Variants in EML4 observed in about 807,000 individuals in gnomAD.
EML4 encodes echinoderm microtubule-associated protein-like 4.
In EML4, 72 loss-of-function variants were observed where a neutral mutation model predicts 129.0. That is an observed-to-expected ratio of 0.56 (90% CI 0.46 to 0.68). The LOEUF (loss-of-function observed/expected upper bound fraction) is 0.68, where lower values mean the gene tolerates loss of function less well. Among genes scored for constraint, EML4 ranks in the 30% least tolerant of loss-of-function variants. The pLI, the probability that EML4 is intolerant of heterozygous loss-of-function variation, is 0.00. For missense variants in EML4, 1,363 were observed against 1,190.6 expected, an observed-to-expected ratio of 1.14 and a Z score of -2.13; for synonymous variants, 532 against 405.0, an observed-to-expected ratio of 1.31 and a Z score of -3.77.
intron 22 of EML4, 26 bp from the exon 23 acceptor site, chr2:42,329,708 C>T (rs776386244): frequency 1.8e-5 from 29 of 1,583,534 alleles, no homozygotes; most frequent in Non-Finnish European, 2.3e-5. Context: ...TTTAATTTTC[C>T]TGTCTGTCTG....
At chr2:42,210,560 A>C (rs755449335) in intron 1 of EML4, among the ~76,000 whole-genome samples, 1 of 152,168 alleles carries the variant, frequency 6.6e-6, no homozygotes, top group Non-Finnish European at 1.5e-5. Flanking sequence ...ACACTTAAGA[A>C]GTGGGTGTGG....
At chr2:42,300,850 AC>A (rs1668243538) in intron 13 of EML4, among the ~76,000 whole-genome samples, 1 of 152,016 alleles carries the variant, frequency 6.6e-6, no homozygotes, top group Admixed American at 6.6e-5. Context: ...CTGCTCCTGT[AC>A]CTCTTGTGTC....
intron 17 of EML4, among the ~76,000 whole-genome samples, chr2:42,311,264 G>A (rs931531952): frequency 5.3e-5 from 8 of 152,164 alleles, no homozygotes; most frequent in Admixed American, 1.3e-4. Flanking sequence ...GCATTAGTTA[G>A]GGCTTCTCCA....
intron 11 of EML4, among the ~76,000 whole-genome samples, chr2:42,293,842 G>A (rs1023310850): frequency 6.6e-6 from 1 of 151,968 alleles, no homozygotes; most frequent in Non-Finnish European, 1.5e-5. Context: ...AACTCCTGAC[G>A]TCGTGATCCA....
At chr2:42,214,554 A>C (rs1673067035) in intron 1 of EML4, among the ~76,000 whole-genome samples, 1 of 152,216 alleles carries the variant, frequency 6.6e-6, no homozygotes, top group South Asian at 2.1e-4. Context: ...GGTTAAAAAA[A>C]CAAACACCTA....
intron 1 of EML4, among the ~76,000 whole-genome samples, chr2:42,212,192 C>G (rs1040883030): frequency 1.3e-5 from 2 of 152,058 alleles, no homozygotes; most frequent in African/African-American, 4.8e-5. Flanking sequence ...TTTCTTTAAG[C>G]CTTGTGGTAC....
At chr2:42,274,730 G>T (rs1666561235) in intron 6 of EML4, among the ~76,000 whole-genome samples, 1 of 152,144 alleles carries the variant, frequency 6.6e-6, no homozygotes, top group South Asian at 2.1e-4. Context: ...TTTGATTAGG[G>T]AATATGATAA....
chr2:42,263,009 T>A (rs1665830439), intron 4 of EML4, among the ~76,000 whole-genome samples, 169 bp from the exon 5 acceptor site: 1 of 152,238 alleles, frequency 6.6e-6, no homozygotes, highest in African/African-American at 2.4e-5. Context: ...ATTTGGGAAT[T>A]GCCTTGTTTA....
chr2:42,290,570 A>G (rs1380425216), intron 11 of EML4, among the ~76,000 whole-genome samples: 1 of 151,206 alleles, frequency 6.6e-6, no homozygotes, highest in Non-Finnish European at 1.5e-5. Flanking sequence ...TCTACCAAAA[A>G]AAAAAAAAAA....
intron 16 of EML4, 98 bp from the exon 17 acceptor site, chr2:42,304,386 T>C (rs1197181055): frequency 3.6e-5 from 29 of 814,192 alleles, no homozygotes; most frequent in South Asian, 2.7e-4. Flanking sequence ...TGAAATGTTA[T>C]GTTTGAATGA....
At chr2:42,178,413 G>T (rs546708231) in intron 1 of EML4, among the ~76,000 whole-genome samples, 62 of 151,910 alleles carry the variant, frequency 4.1e-4, no homozygotes, top group African/African-American at 1.4e-3. Flanking sequence ...TTAGCTGAAC[G>T]TGGTGGTGCA....
intron 1 of EML4, among the ~76,000 whole-genome samples, chr2:42,196,721 C>T (rs1671916359): frequency 6.6e-6 from 1 of 152,146 alleles, no homozygotes; most frequent in African/African-American, 2.4e-5. Flanking sequence ...AAAATAAGGT[C>T]CAAGGAAAGC....
intron 2 of EML4, among the ~76,000 whole-genome samples, chr2:42,247,162 G>T (rs552469403): frequency 2.0e-5 from 3 of 152,150 alleles, no homozygotes; most frequent in African/African-American, 4.8e-5. Flanking sequence ...AGACCAATAC[G>T]GGGAAATGGG....
At chr2:42,264,413 C>A (rs2104396428) in intron 5 of EML4, among the ~76,000 whole-genome samples, 1 of 152,272 alleles carries the variant, frequency 6.6e-6, no homozygotes, top group South Asian at 2.1e-4. Context: ...CCACTGTGCC[C>A]AGCCAAATAA....
At chr2:42,175,735 G>A (rs1670563435) in intron 1 of EML4, among the ~76,000 whole-genome samples, 1 of 152,170 alleles carries the variant, frequency 6.6e-6, no homozygotes, top group Admixed American at 6.5e-5. Flanking sequence ...CTGTCCTCAA[G>A]TGATCCATCC....
intron 1 of EML4, among the ~76,000 whole-genome samples, chr2:42,240,494 C>A (rs6758198): frequency 0.48 from 72,493 of 151,904 alleles, 17,630 homozygotes; most frequent in East Asian, 0.74. Flanking sequence ...GTGTGTCTAT[C>A]AATTATTCAG....
chr2:42,170,763 A>G (rs769106543), intron 1 of EML4, among the ~76,000 whole-genome samples: 7 of 152,244 alleles, frequency 4.6e-5, no homozygotes, highest in Non-Finnish European at 1.0e-4. Flanking sequence ...GCTTGTATTC[A>G]GACGCCTTTC....
intron 2 of EML4, among the ~76,000 whole-genome samples, chr2:42,249,495 T>C (rs11688572): frequency 0.29 from 44,070 of 152,012 alleles, 7,658 homozygotes; most frequent in East Asian, 0.57. Flanking sequence ...TCCCTATTAC[T>C]GAAGAGAGCT....
chr2:42,199,161 A>G (rs371658749), intron 1 of EML4, among the ~76,000 whole-genome samples: 1 of 152,192 alleles, frequency 6.6e-6, no homozygotes. Context: ...GACAAAGGAT[A>G]AGGGCTTGGG....
Sources: allele counts gnomAD v4.1 joint callset (sites outside exome capture counted in the v4.1 genomes callset), GRCh38; gene constraint gnomAD v4.1.1; transcripts MANE v1.5; gene names NCBI Gene and HGNC (gene_info 2026-07-23, HGNC 2026-07-21).